The following EMC3 variants were observed in gnomAD, a reference collection of about 807,000 sequenced individuals.
EMC3 encodes ER membrane protein complex subunit 3, also known as 30 kDa protein.
Under a neutral mutation model 36.6 loss-of-function variants are expected in EMC3, and 13 were observed. That is an observed-to-expected ratio of 0.35 (90% CI 0.23 to 0.56). The LOEUF (loss-of-function observed/expected upper bound fraction) is 0.56, where lower values mean the gene tolerates loss of function less well. EMC3 is among the 20% of genes least tolerant of loss of function. The pLI, the probability that EMC3 is intolerant of heterozygous loss-of-function variation, is 0.84. For missense variants in EMC3, 220 were observed against 324.5 expected (o/e 0.68, Z 2.47); for synonymous variants, 120 against 111.9 (o/e 1.07, Z -0.46).
chr3:9,978,986 A>G (rs1414605870), intron 1 of EMC3, among the ~76,000 whole-genome samples: 1 of 152,192 alleles, frequency 6.6e-6, no homozygotes, highest in African/African-American at 2.4e-5. Context: ...GGAATGTTCC[A>G]GTGCCCTTTC....
At chr3:9,975,769 A>G (rs1235292211) in intron 3 of EMC3, among the ~76,000 whole-genome samples, 2 of 148,210 alleles carry the variant, frequency 1.3e-5, no homozygotes, top group African/African-American at 2.5e-5. Context: ...CCGAGATCGC[A>G]CCACTGCACT....
intron 1 of EMC3, chr3:10,002,902 T>A: frequency 2.2e-6 from 1 of 455,344 alleles, no homozygotes; most frequent in South Asian, 1.6e-5. Flanking sequence ...GGCCTTCCCC[T>A]CCACCCAGAG....
intron 6 of EMC3, 98 bp downstream of exon 6, chr3:9,970,484 A>G (rs2085773793): frequency 3.9e-6 from 5 of 1,290,716 alleles, no homozygotes; most frequent in Non-Finnish European, 4.5e-6. Context: ...TTATTTGACT[A>G]TGGTAACAAA....
At chr3:9,978,206 G>C (rs575243234) in intron 1 of EMC3, 1 of 143,380 alleles carries the variant, frequency 7.0e-6, no homozygotes, top group African/African-American at 2.7e-5. Context: ...CTGGTGGCAC[G>C]TGCCTGTAGT....
At chr3:10,003,724 T>C (rs1294523979) in intron 1 of EMC3, 4 of 166,750 alleles carry the variant, frequency 2.4e-5, no homozygotes, top group South Asian at 1.5e-4. Context: ...TATCAAGTGA[T>C]TGACACCCCC....
intron 1 of EMC3, among the ~76,000 whole-genome samples, chr3:9,979,748 G>A (rs2085889417): frequency 6.6e-6 from 1 of 152,212 alleles, no homozygotes; most frequent in South Asian, 2.1e-4. Flanking sequence ...ATAACCAGGA[G>A]GTGATGGAGT....
At chr3:9,980,012 G>GTT (rs1211125742) in intron 1 of EMC3, among the ~76,000 whole-genome samples, 1 of 143,126 alleles carries the variant, frequency 7.0e-6, no homozygotes, top group African/African-American at 2.8e-5. Context: ...TGGTCTCACT[G>GTT]TATTTTTTTT....
At position 9,965,079 on chromosome 3, in the gene EMC3, T is replaced by G. The variant is rs2124897092; in HGVS notation, c.658-882A>C. 2.0e-5 allele frequency among the ~76,000 whole-genome samples: 3 copies of G among 146,462 alleles called. No homozygotes were observed. The South Asian group carries it at 6.5e-4, about 32-fold the overall frequency. On this transcript the variant is annotated intron_variant, in intron 7 of 7. Transcript: ENST00000245046. ...TATCTTTAGATGAGCCTAGAGATAG[T>G]AATACCTCGTCTTTAAAAATAAATT... is the stretch of plus-strand genomic sequence containing the variant.
rs1200711604 is a variant in EMC3 at position 9,976,878 on chromosome 3, C to T, written c.307+79G>A. On this transcript the variant is annotated intron_variant, in intron 3 of 7. Coordinates refer to ENST00000245046, the MANE Select transcript of EMC3 (RefSeq NM_001394674.1). Reference sequence around the variant, plus strand: ...AATTTAACATTTAAATAAAATGACACCCTCCCTGCCTACCCCACCCCACTC... The same window carrying T: ...AATTTAACATTTAAATAAAATGACATCCTCCCTGCCTACCCCACCCCACTC... 3.6e-5 allele frequency: 35 copies of T among 963,554 alleles called. 1 individual carries two copies. In the South Asian group the frequency reaches 4.7e-4, roughly 13 times the overall value. 59.7% of individuals were successfully genotyped at this position (963,554 alleles called of 1,614,324 possible). A position where few individuals can be genotyped will look rare whatever the true frequency, so the allele number is the denominator to read the frequency against.
At chr3:9,976,449 A>G (rs773814501) in intron 3 of EMC3, among the ~76,000 whole-genome samples, 2 of 152,216 alleles carry the variant, frequency 1.3e-5, no homozygotes, top group African/African-American at 2.4e-5. Context: ...CATGACTGGT[A>G]TCAGTGGAAG....
chr3:9,986,264 C>T (rs1489367016), intron 1 of EMC3, among the ~76,000 whole-genome samples: 1 of 152,138 alleles, frequency 6.6e-6, no homozygotes, highest in Non-Finnish European at 1.5e-5. Context: ...ACACTCAATA[C>T]GTCCTAGATC....
At chr3:9,980,675 A>G (rs2085901721) in intron 1 of EMC3, among the ~76,000 whole-genome samples, 1 of 151,638 alleles carries the variant, frequency 6.6e-6, no homozygotes, top group Non-Finnish European at 1.5e-5. Flanking sequence ...GGCGTGAGCC[A>G]CCACACCCAG....
intron 5 of EMC3, among the ~76,000 whole-genome samples, chr3:9,971,069 C>A (rs751990226): frequency 2.6e-5 from 4 of 152,096 alleles, no homozygotes; most frequent in Non-Finnish European, 5.9e-5. Context: ...ACTACAGGCA[C>A]ACACCACCAT....
chr3:9,978,170 A>AAAAG, intron 1 of EMC3: 1 of 158,208 alleles, frequency 6.3e-6, no homozygotes, highest in Non-Finnish European at 1.3e-5. Flanking sequence ...AAAAAAAAAA[A>AAAAG]AAAAAAAAAA....
At chr3:9,982,471 T>A (rs1575683807) in intron 1 of EMC3, among the ~76,000 whole-genome samples, 2 of 151,908 alleles carry the variant, frequency 1.3e-5, no homozygotes, top group South Asian at 2.1e-4. Flanking sequence ...GCCAGGATGG[T>A]CTCAATCTCC....
rs752165889 is a variant in EMC3 at position 10,008,373 on chromosome 3, A to G, written c.-242+2650T>C. The G allele has an allele frequency of 1.5e-5, 21 of 1,365,168 alleles. No individual in the cohort carries two copies. The South Asian group carries it at 2.4e-4, about 16-fold the overall frequency. The allele number at this position is 1,365,168 out of a possible 1,614,324, so 84.6% of individuals were successfully genotyped here. A position where few individuals can be genotyped will look rare whatever the true frequency, so the allele number is the denominator to read the frequency against. On this transcript the variant is annotated intron_variant, in intron 1 of 8. Coordinates refer to the EMC3 transcript ENST00000470827. ...GCTCCAGGCACCAGGGCAAAAACCC[A>G]CAAACAGAGAAGGTCCTTTCAAGTG...
At chr3:10,007,247 T>C (rs761214744) in intron 1 of EMC3, 3 of 1,152,980 alleles carry the variant, frequency 2.6e-6, no homozygotes, top group African/African-American at 3.3e-5. Context: ...CAGGGTAGAG[T>C]CCCACACATT....
At position 10,007,528 on chromosome 3, in the gene EMC3, G is replaced by T. The variant is rs1220293645; in HGVS notation, c.-242+3495C>A. 3 of 1,367,570 alleles carry T rather than the reference G, an allele frequency of 2.2e-6. No homozygotes were observed. In the African/African-American group the frequency reaches 4.4e-5, roughly 20 times the overall value. 84.7% of individuals were successfully genotyped at this position (1,367,570 alleles called of 1,614,324 possible). ...CTTCTTTTGATAACAGTGGCATGAA[G>T]CGCTCCCCCTCAGAGGCCTGACGTA... On this transcript the variant is annotated intron_variant, in intron 1 of 8. Coordinates refer to the EMC3 transcript ENST00000470827.
Position 9,964,026 on chromosome 3 carries a change from G to A in EMC3, c.*43C>T, listed in dbSNP as rs1468733488. 1.2e-6 allele frequency: 2 copies of A among 1,609,030 alleles called. No individual in the cohort carries two copies. The highest frequency in any genetic ancestry group is 2.2e-5 in the East Asian group (1 of 44,850). On this transcript the variant is annotated 3_prime_UTR_variant, in exon 8 of 8. Coordinates refer to ENST00000245046, the MANE Select transcript of EMC3 (RefSeq NM_001394674.1). ...GCTCCAAACAAAGTTACAAGGTTAA[G>A]TGCAACTCCAAGTTCCTGACACAGC...
Sources: gnomAD v4.1 joint callset for allele counts (sites outside exome capture counted in the v4.1 genomes callset) on GRCh38, gnomAD v4.1.1 for gene constraint, MANE v1.5 for transcripts, NCBI Gene and HGNC (gene_info 2026-07-23, HGNC 2026-07-21) for gene names.